The following FBN2 variants were observed in gnomAD, a reference collection of about 807,000 sequenced individuals.
FBN2 encodes the protein fibrillin-2.
In FBN2, 105 loss-of-function variants were observed where a neutral mutation model predicts 355.6. That is an observed-to-expected ratio of 0.30 (90% CI 0.25 to 0.35). The LOEUF is 0.35. Ranked by LOEUF, FBN2 falls within the 10% of genes least tolerant of loss-of-function variation. FBN2 has a pLI of 1.00. For synonymous variants in FBN2, 1,350 were observed against 1,301.2 expected (o/e 1.04, Z -0.81); for missense variants, 3,280 against 3,758.7 (o/e 0.87, Z 3.33).
chr5:128,318,920 T>C lies in FBN2; in HGVS notation c.4553A>G (p.Asp1518Gly). 6.2e-7 allele frequency: 1 copy of C among 1,613,340 alleles called. No individual in the cohort carries two copies. Among genetic ancestry groups the C allele is most frequent in the Non-Finnish European group, 8.5e-7 (1 of 1,179,492 alleles). ...NLPGMFHCIC[D>G]DGYELDRTGG... Reference sequence around the variant, plus strand: ...TGTTCTGTCCAATTCATAACCATCATCGCAGATGCAATGAAACATTCCAGG... The same window carrying C: ...TGTTCTGTCCAATTCATAACCATCACCGCAGATGCAATGAAACATTCCAGG... The change falls in exon 35 of 65, where the codon GAT (aspartate) becomes GGT (glycine). Residue 1518 changes from aspartate to glycine, a missense_variant. Asp to Gly is a moderately conservative substitution (Grantham distance 94). This residue lies in a region of FBN2 where 2,284 missense variants were observed against 2,749.5 expected (regional missense o/e 0.83). Transcript: ENST00000262464.
chr5:128,421,752 T>G (rs2127017140), intron 7 of FBN2, among the ~76,000 whole-genome samples: 1 of 152,118 alleles, frequency 6.6e-6, no homozygotes, highest in Admixed American at 6.6e-5. Flanking sequence ...GTAAACAGAG[T>G]CACCAGTATT....
intron 6 of FBN2, among the ~76,000 whole-genome samples, chr5:128,464,244 G>A (rs1754634838): frequency 6.6e-6 from 1 of 152,136 alleles, no homozygotes; most frequent in Non-Finnish European, 1.5e-5. Context: ...TGTAATAACT[G>A]CAATCATAGA....
chr5:128,452,999 A>G (rs1016784935), intron 6 of FBN2, among the ~76,000 whole-genome samples: 1 of 152,170 alleles, frequency 6.6e-6, no homozygotes, highest in Non-Finnish European at 1.5e-5. Flanking sequence ...TATGAAAACA[A>G]ATGTCTAACT....
At chr5:128,418,193 G>C (rs1753255303) in intron 7 of FBN2, among the ~76,000 whole-genome samples, 1 of 151,888 alleles carries the variant, frequency 6.6e-6, no homozygotes. Flanking sequence ...TTCTAATTTT[G>C]ATTAGTTAGT....
Position 128,278,647 on chromosome 5 carries a change from T to A in FBN2, c.7333A>T (p.Thr2445Ser). Reference protein sequence around the residue: ...KICPHGPGYTTDGRDIDECKV... With the variant: ...KICPHGPGYTSDGRDIDECKV... Reference sequence around the variant, plus strand: ...CTCAACTCCTTACCTCTTCCATCAGTTGTATATCCTGGGCCATGAGGACAT... The same window carrying A: ...CTCAACTCCTTACCTCTTCCATCAGATGTATATCCTGGGCCATGAGGACAT... The change falls in exon 57 of 65, where the codon ACT becomes TCT. Residue 2445 changes from threonine (T) to serine (S), a missense_variant. Physicochemically the swap from Thr to Ser is moderately conservative, Grantham distance 58 (BLOSUM62 1). Coordinates refer to ENST00000262464, the MANE Select transcript of FBN2 (RefSeq NM_001999.4). The A allele has an allele frequency of 1.2e-6, 2 of 1,613,908 alleles. No individual in the cohort carries two copies. Among genetic ancestry groups the A allele is most frequent in the Non-Finnish European group, 1.7e-6 (2 of 1,179,770 alleles).
intron 5 of FBN2, among the ~76,000 whole-genome samples, chr5:128,492,114 GTGCTTGTGTGTCTTCATAATT>G (rs1164066222): frequency 3.0e-4 from 45 of 152,216 alleles, no homozygotes; most frequent in African/African-American, 1.1e-3. Context: ...CTTTCTGAGG[GTGCTTGTGTGTCTTCATAATT>G]TGCAGATTAT....
In FBN2 at chr5:128,537,362, T is replaced by C; in HGVS notation, c.242A>G (p.Asp81Gly). 6.2e-7 allele frequency: 1 copy of C among 1,610,778 alleles called. No homozygotes were observed. Among genetic ancestry groups the C allele is most frequent in the Non-Finnish European group, 8.5e-7 (1 of 1,179,796 alleles). ...ASRVRRRGQQ[D>G]VLRGPNVCGS... ...CTTGCCCACTTACCCTCGGAGCACG[T>C]CCTGCTGTCCTCGCCGGCGGACGCG... Residue 81 changes from aspartate to glycine, a missense_variant, in exon 1 of 65, where the codon GAC becomes GGC. By Grantham distance (94) the Asp-to-Gly change is moderately conservative (BLOSUM62 -1). This residue lies in a region of FBN2 where 203 missense variants were observed against 142.2 expected (regional missense o/e 1.43). Coordinates refer to ENST00000262464, the MANE Select transcript of FBN2 (RefSeq NM_001999.4).
In FBN2 at chr5:128,263,400, G is replaced by A. The variant is rs930798635; in HGVS notation, c.8192+25C>T. Reference sequence around the variant, plus strand: ...ACTCAGGAACCATGTATTCCTCTATGTGCTGAGGCTGAAGGCCGCCTTACC... The same window carrying A: ...ACTCAGGAACCATGTATTCCTCTATATGCTGAGGCTGAAGGCCGCCTTACC... On this transcript the variant is annotated intron_variant, in intron 63 of 64. Coordinates refer to ENST00000262464, the MANE Select transcript of FBN2 (RefSeq NM_001999.4). 2.6e-6 allele frequency: 4 copies of A among 1,546,580 alleles called. No individual in the cohort carries two copies. The Admixed American group carries it at 5.0e-5, about 19-fold the overall frequency.
chr5:128,501,807 G>A (rs1343130746), intron 5 of FBN2, among the ~76,000 whole-genome samples: 11 of 151,928 alleles, frequency 7.2e-5, no homozygotes, highest in Non-Finnish European at 2.9e-5. Context: ...AACAGACACT[G>A]CTAAAAAGAA....
At chr5:128,447,757 G>A (rs945795780) in intron 6 of FBN2, among the ~76,000 whole-genome samples, 2 of 152,136 alleles carry the variant, frequency 1.3e-5, no homozygotes, top group Admixed American at 1.3e-4. Flanking sequence ...GCGGCTTGTG[G>A]GGCATCACGG....
rs774770810 is a variant in FBN2, at chr5:128,377,738, G to A, written c.1849+14C>T. Reference sequence around the variant, plus strand: ...TTTTAAAATCTTTTGCAAGGGAGCAGGCAATTTCCATACCAACACAGTTTT... The same window carrying A: ...TTTTAAAATCTTTTGCAAGGGAGCAAGCAATTTCCATACCAACACAGTTTT... On this transcript the variant is annotated intron_variant, in intron 13 of 64. Coordinates refer to ENST00000262464, the MANE Select transcript of FBN2 (RefSeq NM_001999.4). The A allele has an allele frequency of 1.9e-6, 3 of 1,613,134 alleles. No homozygotes were observed. The highest frequency in any genetic ancestry group is 2.5e-6 in the Non-Finnish European group (3 of 1,179,362).
rs911995907 is a variant in FBN2 at position 128,390,827 on chromosome 5, CTG to C, written c.1603+1189_1603+1190del. 7.0e-4 allele frequency among the ~76,000 whole-genome samples: 107 copies of C among 152,274 alleles called. 1 individual carries two copies. The highest frequency in any genetic ancestry group is 2.2e-3 in the African/African-American group (91 of 41,556). Reference sequence around the variant, plus strand: ...CTGTCACTTTAAGAAAAGGAACAGACTGTATATTTGATGCTAATGTTAACATT... The same window carrying C: ...CTGTCACTTTAAGAAAAGGAACAGACTATATTTGATGCTAATGTTAACATT... On this transcript the variant is annotated intron_variant, in intron 11 of 64. Transcript: ENST00000262464.
chr5:128,280,203 G>A lies in FBN2; in HGVS notation c.7127C>T (p.Thr2376Ile). 1 of 1,612,150 alleles carries A rather than the reference G, an allele frequency of 6.2e-7. No homozygotes were observed. Among genetic ancestry groups the A allele is most frequent in the Non-Finnish European group, 8.5e-7 (1 of 1,178,578 alleles). ...NEGFQSSSSG[T>I]ECLDNRQGLC... ...GGATGTCAACTTACCAAGGCATTCA[G>A]TGCCTGAAGAACTTGACTGGAATCC... Residue 2376 changes from threonine (T) to isoleucine (I), a missense_variant, in exon 56 of 65, where the codon ACT becomes ATT. By Grantham distance (89) the Thr-to-Ile change is moderately conservative (BLOSUM62 -1). This residue lies in a region of FBN2 where 2,284 missense variants were observed against 2,749.5 expected (regional missense o/e 0.83). Transcript: ENST00000262464.
chr5:128,476,205 A>G (rs559190415), intron 5 of FBN2, among the ~76,000 whole-genome samples: 24 of 152,326 alleles, frequency 1.6e-4, no homozygotes, highest in African/African-American at 5.5e-4. Flanking sequence ...AATTGATTAA[A>G]CCAAAATGAT....
At position 128,537,898 on chromosome 5, in the gene FBN2, C is replaced by A; in HGVS notation, c.-295G>T. The stretch of plus-strand genomic sequence containing the variant: ...TGCATAACCGGCCTAAAGCCCCGAG[C>A]GACTCCAGGACCGTCAGCGGGCGGG... On this transcript the variant is annotated 5_prime_UTR_variant, in exon 1 of 65. Coordinates refer to ENST00000262464, the MANE Select transcript of FBN2 (RefSeq NM_001999.4). 1.9e-6 allele frequency: 1 copy of A among 524,676 alleles called. No homozygotes were observed. Among genetic ancestry groups the A allele is most frequent in the South Asian group, 2.5e-5 (1 of 40,078 alleles). The allele number at this position is 524,676 out of a possible 1,614,324, so 32.5% of individuals were successfully genotyped here.
chr5:128,285,244 T>A (rs1561747799), intron 55 of FBN2, among the ~76,000 whole-genome samples: 1 of 112,266 alleles, frequency 8.9e-6, no homozygotes, highest in African/African-American at 2.7e-5. Flanking sequence ...TTTTTATTGA[T>A]TTTTTTTGTG....
intron 5 of FBN2, among the ~76,000 whole-genome samples, chr5:128,491,452 T>C (rs1247644696): frequency 2.6e-5 from 4 of 152,186 alleles, no homozygotes; most frequent in Admixed American, 2.6e-4. Context: ...CAGGGTCAGA[T>C]GGTAACTGAG....
At chr5:128,397,944 A>G (rs374350917) in intron 8 of FBN2, among the ~76,000 whole-genome samples, 2 of 152,244 alleles carry the variant, frequency 1.3e-5, no homozygotes, top group East Asian at 3.9e-4. Flanking sequence ...GTTTATGGAT[A>G]TAGTATATGG....
chr5:128,531,709 T>TATA (rs1435605135), intron 2 of FBN2, among the ~76,000 whole-genome samples: 3 of 140,574 alleles, frequency 2.1e-5, no homozygotes, highest in African/African-American at 5.8e-5. Flanking sequence ...TAAGTGTATA[T>TATA]ATATGTATGT....
Sources: allele counts gnomAD v4.1 joint callset (sites outside exome capture counted in the v4.1 genomes callset), GRCh38; gene constraint gnomAD v4.1.1; regional missense constraint gnomAD v4.1.1; transcripts MANE v1.5; gene names NCBI Gene and HGNC (gene_info 2026-07-23, HGNC 2026-07-21).